CACNA1A: variants seen among roughly 807,000 people sequenced by gnomAD.
The protein encoded by CACNA1A is calcium voltage-gated channel subunit alpha1 A.
Under a neutral mutation model 262.4 loss-of-function variants are expected in CACNA1A, and 57 were observed. The ratio of observed to expected loss-of-function variants is 0.22; its 90% CI spans 0.18 to 0.27. CACNA1A has a LOEUF of 0.27. CACNA1A is among the 10% of genes least tolerant of loss of function. The pLI is 1.00. For missense variants in CACNA1A, 2,526 were observed against 3,562.8 expected, an observed-to-expected ratio of 0.71 and a Z score of 7.41; for synonymous variants, 1,431 against 1,419.3, an observed-to-expected ratio of 1.01 and a Z score of -0.18.
At position 13,310,510 on chromosome 19, in the gene CACNA1A, ATAT is replaced by A. The variant is rs1467958496; in HGVS notation, c.1669-1985_1669-1983del. ...AAAAAATATATATATATATATATAT[ATAT>A]GTAGAGAGAGAGAGAGAGTTTAATT... is the stretch of plus-strand genomic sequence containing the variant. On this transcript the variant is annotated intron_variant, in intron 12 of 46. Transcript: ENST00000360228. Among the ~76,000 whole-genome samples the A allele has an allele frequency of 4.2e-3, 182 of 43,626 alleles. 40 individuals are homozygous for A. In the East Asian group the frequency reaches 0.22, roughly 53 times the overall value. 28.6% of individuals were successfully genotyped at this position (43,626 alleles called of 152,430 possible).
In CACNA1A at chr19:13,359,947, T is replaced by TG. The variant is rs2059073235; in HGVS notation, c.785-149dup. Reference sequence around the variant, plus strand: ...CTTCAAAGAGATCAATGTTTGGCTTTGGGGGTCTATTATTGGTTTTCTATT... The same window carrying TG: ...CTTCAAAGAGATCAATGTTTGGCTTTGGGGGGTCTATTATTGGTTTTCTATT... On this transcript the variant is annotated intron_variant, in intron 5 of 46. Coordinates refer to ENST00000360228, the MANE Select transcript of CACNA1A (RefSeq NM_001127222.2). 4 of 437,626 alleles carry TG rather than the reference T, an allele frequency of 9.1e-6. No individual in the cohort carries two copies. The Admixed American group carries it at 1.7e-4, about 18-fold the overall frequency. 27.1% of individuals were successfully genotyped at this position (437,626 alleles called of 1,614,324 possible). A position where few individuals can be genotyped will look rare whatever the true frequency, so the allele number is the denominator to read the frequency against.
chr19:13,317,186 C>T lies in CACNA1A; in HGVS notation c.1481G>A (p.Ser494Asn). ...KTQAFYWTVL[S>N]LVALNTLCVA... is the part of the protein sequence containing the mutation. ...ACACAGCGTGTTGAGAGCTACCAAA[C>T]TGAGTACAGTCCAGTAGAAGGCCTG... Residue 494 changes from serine to asparagine, a missense_variant, in exon 11 of 47, where the codon AGT becomes AAT. Around this residue, in one of 17 missense-constraint regions of CACNA1A, gnomAD observed 102 missense variants for 278.9 expected, o/e 0.37. Transcript: ENST00000360228. 6.2e-7 allele frequency: 1 copy of T among 1,613,690 alleles called. No homozygotes were observed. Among genetic ancestry groups the T allele is most frequent in the Non-Finnish European group, 8.5e-7 (1 of 1,179,696 alleles).
intron 10 of CACNA1A, among the ~76,000 whole-genome samples, chr19:13,323,059 G>A (rs1402703459): frequency 6.6e-6 from 1 of 152,124 alleles, no homozygotes; most frequent in Admixed American, 6.6e-5. Flanking sequence ...ATCATTTGAG[G>A]TCAGGAATTC....
At chr19:13,380,278 G>T (rs1364342534) in intron 3 of CACNA1A, among the ~76,000 whole-genome samples, 11 of 29,558 alleles carry the variant, frequency 3.7e-4, no homozygotes, top group Non-Finnish European at 5.2e-4. Flanking sequence ...GCAAGATGCC[G>T]TCTCAAAAAA....
At chr19:13,455,268 C>T (rs1331440800) in intron 1 of CACNA1A, 56 bp from the exon 2 acceptor site, 2 of 981,386 alleles carry the variant, frequency 2.0e-6, no homozygotes, top group East Asian at 2.4e-5. Context: ...GTTGGAGGTG[C>T]ACCCACCCCC....
intron 1 of CACNA1A, among the ~76,000 whole-genome samples, chr19:13,483,766 G>T (rs147755439): frequency 6.6e-6 from 1 of 152,198 alleles, no homozygotes; most frequent in East Asian, 1.9e-4. Flanking sequence ...ACACTCCTGA[G>T]ACTCTTCAGT....
intron 6 of CACNA1A, among the ~76,000 whole-genome samples, chr19:13,357,688 A>C (rs2059029344): frequency 6.6e-6 from 1 of 152,128 alleles, no homozygotes; most frequent in Non-Finnish European, 1.5e-5. Context: ...AAACTTGCAC[A>C]CCTAAATATC....
chr19:13,446,600 CCAT>C (rs959536165), intron 3 of CACNA1A, among the ~76,000 whole-genome samples: 33 of 148,660 alleles, frequency 2.2e-4, no homozygotes, highest in African/African-American at 8.0e-4. Context: ...CACCACACCA[CCAT>C]GCCAGGCTTT....
intron 20 of CACNA1A, 112 bp downstream of exon 20, chr19:13,286,391 G>C: frequency 2.0e-6 from 1 of 509,404 alleles, no homozygotes; most frequent in African/African-American, 2.0e-5. Flanking sequence ...TTTTCCAGGG[G>C]AGGAGACTGA....
At chr19:13,229,085 G>A in intron 36 of CACNA1A, 1 of 210,212 alleles carries the variant, frequency 4.8e-6, no homozygotes, top group Non-Finnish European at 9.5e-6. Flanking sequence ...GTGGAATAGA[G>A]GCCTTGGGGA....
intron 1 of CACNA1A, among the ~76,000 whole-genome samples, chr19:13,487,759 C>T (rs752567256): frequency 6.6e-6 from 1 of 151,878 alleles, no homozygotes; most frequent in African/African-American, 2.4e-5. Context: ...ATGCTTATTA[C>T]ACAGGCACTG....
At chr19:13,427,766 C>T (rs2060429678) in intron 3 of CACNA1A, among the ~76,000 whole-genome samples, 1 of 148,514 alleles carries the variant, frequency 6.7e-6, no homozygotes. Context: ...CAGGAAAACA[C>T]AGTGGTAAAA....
intron 10 of CACNA1A, among the ~76,000 whole-genome samples, chr19:13,325,071 CTCT>C (rs918624523): frequency 9.4e-5 from 13 of 138,504 alleles, no homozygotes; most frequent in African/African-American, 2.1e-4. Context: ...CTTCCTCCTC[CTCT>C]TCTTCTTCCC....
chr19:13,214,175 G>A lies in CACNA1A; in HGVS notation c.5940+58C>T, dbSNP rs2054914822. 2.9e-6 allele frequency: 4 copies of A among 1,396,074 alleles called. No homozygotes were observed. The Admixed American group carries it at 7.6e-5, about 27-fold the overall frequency. 86.5% of individuals were successfully genotyped at this position (1,396,074 alleles called of 1,614,324 possible). On this transcript the variant is annotated intron_variant, in intron 40 of 46. Coordinates refer to ENST00000360228, the MANE Select transcript of CACNA1A (RefSeq NM_001127222.2). This position sits in a 1 kb window ranked among gnomAD's most constrained non-coding sequence, Gnocchi z 4.1. ...CCCTCATATTCCAGTTGGTTCCCGT[G>A]GTGACATGCAAGCCACTGTCCCCAG...
At chr19:13,328,466 A>C (rs1316142859) in intron 10 of CACNA1A, among the ~76,000 whole-genome samples, 1 of 152,342 alleles carries the variant, frequency 6.6e-6, no homozygotes, top group East Asian at 1.9e-4. Flanking sequence ...TTAAATTGGT[A>C]ATATTCGATG....
chr19:13,377,194 T>G (rs1345701650), intron 3 of CACNA1A, among the ~76,000 whole-genome samples: 3 of 151,366 alleles, frequency 2.0e-5, no homozygotes, highest in South Asian at 2.1e-4. Flanking sequence ...ACTCCCGACC[T>G]CAGGTGATCC....
Position 13,374,414 on chromosome 19 carries a change from A to G in CACNA1A, c.540-2635T>C, listed in dbSNP as rs1386687056. ...AGGTGTACAACAACATATTCAGAAA[A>G]TTAAAAAATTTTTTTTGTAGAGATG... On this transcript the variant is annotated intron_variant, in intron 3 of 46. Transcript: ENST00000360228. Among the ~76,000 whole-genome samples the G allele has an allele frequency of 3.9e-5, 6 of 151,976 alleles. No homozygotes were observed. In the East Asian group the frequency reaches 1.2e-3, roughly 30 times the overall value.
intron 9 of CACNA1A, 45 bp from the exon 10 acceptor site, chr19:13,330,378 T>C (rs1224768521): frequency 1.4e-6 from 2 of 1,389,880 alleles, no homozygotes; most frequent in Admixed American, 2.0e-5. Flanking sequence ...GTTACCCTTT[T>C]TGCAACACAG....
intron 38 of CACNA1A, among the ~76,000 whole-genome samples, chr19:13,220,751 A>C (rs1478511093): frequency 6.6e-6 from 1 of 152,018 alleles, no homozygotes; most frequent in African/African-American, 2.4e-5. Context: ...CCAGCCTCCC[A>C]AGTAGTTGGG....
Sources: gnomAD v4.1 joint callset for allele counts (sites outside exome capture counted in the v4.1 genomes callset) on GRCh38, gnomAD v4.1.1 for gene constraint, gnomAD v4.1.1 regional missense constraint, Gnocchi (gnomAD v3.1) non-coding constraint, MANE v1.5 for transcripts, NCBI Gene and HGNC (gene_info 2026-07-23, HGNC 2026-07-21) for gene names.